Variants in ALDH1A3 observed in about 807,000 individuals in gnomAD.
ALDH1A3 encodes the protein aldehyde dehydrogenase 1 family member A3, also known as retinaldehyde dehydrogenase 3.
In ALDH1A3, 28 loss-of-function variants were observed where a neutral mutation model predicts 57.5. The observed-to-expected ratio is 0.49, with a 90% confidence interval of 0.36 to 0.67. The LOEUF is 0.67. Ranked by LOEUF, ALDH1A3 falls within the 30% of genes least tolerant of loss-of-function variation. The probability of loss-of-function intolerance (pLI) is 0.00; values close to 1 mark genes in which losing one functional copy is unlikely to be tolerated. For missense variants in ALDH1A3, 507 were observed against 669.4 expected (o/e 0.76, Z 2.68); for synonymous variants, 281 against 264.8 (o/e 1.06, Z -0.59).
intron 7 of ALDH1A3, 96 bp downstream of exon 7, chr15:100,896,142 T>C (rs1220209468): frequency 9.7e-7 from 1 of 1,029,444 alleles, no homozygotes. Context: ...TGATTTGTTT[T>C]TCTTCTAAAT....
chr15:100,893,154 G>A lies in ALDH1A3; in HGVS notation c.537+148G>A, dbSNP rs548656114. 3 of 671,438 alleles carry A rather than the reference G, an allele frequency of 4.5e-6. No homozygotes were observed. Among genetic ancestry groups the A allele is most frequent in the African/African-American group, 1.8e-5 (1 of 55,626 alleles). The allele number at this position is 671,438 out of a possible 1,614,324, so 41.6% of individuals were successfully genotyped here. ...TCGTGGCATGGAACTCCATGCTTGG[G>A]GGCTCTTGAGATGGATTAGACCCCA... is the stretch of plus-strand genomic sequence containing the variant. On this transcript the variant is annotated intron_variant, in intron 5 of 12. Coordinates refer to ENST00000329841, the MANE Select transcript of ALDH1A3 (RefSeq NM_000693.4). The surrounding 1 kb of genome is among the most constrained non-coding windows in gnomAD (Gnocchi z 4.8).
In ALDH1A3 at chr15:100,885,298, A is replaced by G. The variant is rs767590571; in HGVS notation, c.131A>G (p.Lys44Arg). The change falls in exon 2 of 13, where the codon AAG (lysine) becomes AGG (arginine). Residue 44 changes from lysine (K) to arginine (R), a missense_variant. Coordinates refer to ENST00000329841, the MANE Select transcript of ALDH1A3 (RefSeq NM_000693.4). Reference sequence around the variant, plus strand: ...ATCAACAATGAATGGCACGAATCCAAGAGTGGGAAAAAGTTTGCTACATGT... The same window carrying G: ...ATCAACAATGAATGGCACGAATCCAGGAGTGGGAAAAAGTTTGCTACATGT... ...IFINNEWHES[K>R]SGKKFATCNP... 2 of 1,613,982 alleles carry G rather than the reference A, an allele frequency of 1.2e-6. No homozygotes were observed. The highest frequency in any genetic ancestry group is 1.7e-5 in the Admixed American group (1 of 60,038).
intron 11 of ALDH1A3, 57 bp from the exon 12 acceptor site, chr15:100,908,351 C>A: frequency 6.8e-7 from 1 of 1,471,432 alleles, no homozygotes; most frequent in Non-Finnish European, 9.5e-7. Context: ...GGCTGCAGTG[C>A]CAGGAGCCAG....
intron 10 of ALDH1A3, 127 bp downstream of exon 10, chr15:100,905,814 C>T (rs566336018): frequency 5.5e-5 from 58 of 1,050,778 alleles, no homozygotes; most frequent in South Asian, 4.7e-4. Flanking sequence ...CTGTTGTTGT[C>T]GTTGTTGTTT....
chr15:100,881,667 G>T (rs4646647), intron 1 of ALDH1A3, among the ~76,000 whole-genome samples: 1 of 151,950 alleles, frequency 6.6e-6, no homozygotes, highest in Non-Finnish European at 1.5e-5. Flanking sequence ...TGGTGGGTGC[G>T]CAACCTTTGC....
chr15:100,892,818 T>C (rs911982514), intron 4 of ALDH1A3, 127 bp from the exon 5 acceptor site: 2 of 1,326,136 alleles, frequency 1.5e-6, no homozygotes, highest in African/African-American at 3.0e-5. Flanking sequence ...TCAAATCACT[T>C]CTCTGTATAA....
At position 100,908,484 on chromosome 15, in the gene ALDH1A3, T is replaced by TG; in HGVS notation, c.1466+2_1466+3insG. 1.2e-6 allele frequency: 2 copies of TG among 1,610,364 alleles called. No homozygotes were observed. The highest frequency in any genetic ancestry group is 1.7e-6 in the Non-Finnish European group (2 of 1,176,608). ...AATGTCAGGAAATGGCAGAGAACTG[T>TG]AAGTGTTTCCATCATTCTGAGCCTG... On this transcript the variant is annotated splice_region_variant and intron_variant, in intron 12 of 12. Coordinates refer to ENST00000329841, the MANE Select transcript of ALDH1A3 (RefSeq NM_000693.4).
At chr15:100,897,977 T>G in intron 7 of ALDH1A3, 106 bp from the exon 8 acceptor site, 1 of 1,008,994 alleles carries the variant, frequency 9.9e-7, no homozygotes, top group Non-Finnish European at 1.5e-6. Context: ...GAGAGCCAGG[T>G]GGTGGCACTG....
intron 9 of ALDH1A3, 86 bp from the exon 10 acceptor site, chr15:100,905,437 G>C: frequency 6.6e-7 from 1 of 1,520,848 alleles, no homozygotes; most frequent in East Asian, 2.3e-5. Flanking sequence ...GAGGATGGCT[G>C]ATCATGTTGA....
In ALDH1A3 at chr15:100,907,162, C is replaced by T. The variant is rs1047087988; in HGVS notation, c.1275C>T (p.Ile425=). The T allele has an allele frequency of 1.1e-5, 18 of 1,613,884 alleles. No individual in the cohort carries two copies. The highest frequency in any genetic ancestry group is 2.2e-5 in the East Asian group (1 of 44,890). ...PVQPILKFKS[I]EEVIKRANST... ...AACCAATACTGAAGTTCAAAAGTAT[C>T]GAAGAAGTGATAAAAAGAGCGAATA... The change falls in exon 11 of 13, where the codon ATC becomes ATT. Residue 425 remains isoleucine, a synonymous_variant. Transcript: ENST00000329841.
At chr15:100,885,889 G>C (rs188608412) in intron 2 of ALDH1A3, among the ~76,000 whole-genome samples, 1 of 152,264 alleles carries the variant, frequency 6.6e-6, no homozygotes, top group Admixed American at 6.5e-5. Flanking sequence ...CATGGAAAGC[G>C]GTAACCTTTA....
Position 100,894,332 on chromosome 15 carries a change from T to C in ALDH1A3, c.666+250T>C. 2.5e-6 allele frequency: 1 copy of C among 398,394 alleles called. No individual in the cohort carries two copies. The highest frequency in any genetic ancestry group is 4.5e-6 in the Non-Finnish European group (1 of 221,134). 24.7% of individuals were successfully genotyped at this position (398,394 alleles called of 1,614,324 possible). A position where few individuals can be genotyped will look rare whatever the true frequency, so the allele number is the denominator to read the frequency against. The stretch of plus-strand genomic sequence containing the variant: ...TCTTATTATGGGCTCAAACCTATGG[T>C]TGAGGACCCAGTGGTTTGTCTAGAG... On this transcript the variant is annotated intron_variant, in intron 6 of 12. Transcript: ENST00000329841. The surrounding 1 kb of genome is among the most constrained non-coding windows in gnomAD (Gnocchi z 4.5).
At chr15:100,885,457 A>G in intron 2 of ALDH1A3, 86 bp downstream of exon 2, 2 of 1,014,454 alleles carry the variant, frequency 2.0e-6, no homozygotes, top group Non-Finnish European at 3.0e-6. Context: ...GCTATAAGAC[A>G]GAACTGGCCT....
At position 100,887,499 on chromosome 15, in the gene ALDH1A3, C is replaced by A; in HGVS notation, c.205-73C>A. 6.9e-7 allele frequency: 1 copy of A among 1,449,588 alleles called. No homozygotes were observed. The highest frequency in any genetic ancestry group is 2.5e-5 in the Admixed American group (1 of 40,604). 89.8% of individuals were successfully genotyped at this position (1,449,588 alleles called of 1,614,324 possible). A position where few individuals can be genotyped will look rare whatever the true frequency, so the allele number is the denominator to read the frequency against. ...AAAGATGACACCCAAACTTCAGTCA[C>A]GTCAAAAGATGACACCCAAACTGCA... On this transcript the variant is annotated intron_variant, in intron 2 of 12. Transcript: ENST00000329841. This position sits in a 1 kb window ranked among gnomAD's most constrained non-coding sequence, Gnocchi z 4.6.
chr15:100,883,323 A>C (rs2041563843), intron 1 of ALDH1A3, among the ~76,000 whole-genome samples: 1 of 152,186 alleles, frequency 6.6e-6, no homozygotes, highest in African/African-American at 2.4e-5. Flanking sequence ...TCAGTTATTA[A>C]TTTCTCGCTG....
chr15:100,909,051 G>A lies in ALDH1A3; in HGVS notation c.1466+569G>A, dbSNP rs185545476. Among the ~76,000 whole-genome samples the A allele has an allele frequency of 1.0e-4, 15 of 150,414 alleles. No homozygotes were observed. The East Asian group carries it at 2.0e-3, about 20-fold the overall frequency. On this transcript the variant is annotated intron_variant, in intron 12 of 12. Coordinates refer to ENST00000329841, the MANE Select transcript of ALDH1A3 (RefSeq NM_000693.4). The stretch of plus-strand genomic sequence containing the variant: ...ACCCACTGCAAACCCCTCCATGCGC[G>A]TGCAAACCCACTGCAAACCCTCCAC...
At chr15:100,904,074 C>T (rs2041797569) in intron 9 of ALDH1A3, among the ~76,000 whole-genome samples, 2 of 152,222 alleles carry the variant, frequency 1.3e-5, no homozygotes, top group South Asian at 4.1e-4. Flanking sequence ...CAGGATAAGT[C>T]TCCCACATAT....
intron 2 of ALDH1A3, among the ~76,000 whole-genome samples, chr15:100,885,945 A>C (rs1192595110): frequency 3.3e-5 from 5 of 152,248 alleles, no homozygotes; most frequent in African/African-American, 1.2e-4. Flanking sequence ...TACAGAAGCT[A>C]AGGGACTTCC....
intron 12 of ALDH1A3, 109 bp downstream of exon 12, chr15:100,908,591 C>A: frequency 1.0e-6 from 1 of 985,234 alleles, no homozygotes; most frequent in South Asian, 1.4e-5. Context: ...CCCCCCACAC[C>A]GCCGCTCTGT....
Sources: gnomAD v4.1 joint callset for allele counts (sites outside exome capture counted in the v4.1 genomes callset) on GRCh38, gnomAD v4.1.1 for gene constraint, Gnocchi (gnomAD v3.1) non-coding constraint, MANE v1.5 for transcripts, NCBI Gene and HGNC (gene_info 2026-07-23, HGNC 2026-07-21) for gene names.